Variants in ARHGAP45 observed in about 807,000 individuals in gnomAD.
ARHGAP45 encodes the protein rho GTPase-activating protein 45.
A neutral mutation model predicts 116.1 loss-of-function variants in ARHGAP45; 56 were observed. The ratio of observed to expected loss-of-function variants is 0.48; its 90% CI spans 0.39 to 0.60. The LOEUF is 0.60. Ranked by LOEUF, ARHGAP45 falls within the 20% of genes least tolerant of loss-of-function variation. ARHGAP45 has a pLI of 0.00. For synonymous variants in ARHGAP45, 866 were observed against 701.7 expected (o/e 1.23, Z -3.70); for missense variants, 1,622 against 1,601.0 (o/e 1.01, Z -0.22).
At chr19:1,081,121 A>G (rs8113708) in intron 17 of ARHGAP45, 57 bp downstream of exon 17, 1,184,386 of 1,527,308 alleles carry the variant, frequency 0.78, 460,171 homozygotes, top group Admixed American at 0.85. Context: ...TGGGGTGCCC[A>G]GCACCGCCGG....
rs1296633303 is a variant in ARHGAP45, at chr19:1,086,595, T to C, written c.*589T>C. 2.0e-5 allele frequency: 3 copies of C among 152,308 alleles called. No homozygotes were observed. Among genetic ancestry groups the C allele is most frequent in the Non-Finnish European group, 4.4e-5 (3 of 68,032 alleles). The allele number at this position is 152,308 out of a possible 1,614,324, so 9.4% of individuals were successfully genotyped here. ...ACCGTGTGGTTCTTTCACAGGCACG[T>C]TTATTTTGCTGAAATAAAAAGTTTT... On this transcript the variant is annotated 3_prime_UTR_variant, in exon 23 of 23. Coordinates refer to ENST00000313093, the MANE Select transcript of ARHGAP45 (RefSeq NM_012292.5).
Position 1,084,317 on chromosome 19 carries a change from T to C in ARHGAP45, c.3035T>C (p.Leu1012Pro), listed in dbSNP as rs772721006. 14 of 1,611,096 alleles carry C rather than the reference T, an allele frequency of 8.7e-6. No individual in the cohort carries two copies. The South Asian group carries it at 1.5e-4, about 18-fold the overall frequency. Reference protein sequence around the residue: ...LEAGEAVVYPLQEAAADGCRE... With the variant: ...LEAGEAVVYPPQEAAADGCRE... ...GCGGGCGAGGCGGTGGTCTACCCGC[T>C]GCAGGAGGCGGCGGCGGACGGGTGC... Residue 1012 changes from leucine to proline, a missense_variant, in exon 22 of 23, where the codon CTG becomes CCG. Physicochemically the swap from Leu to Pro is moderately conservative, Grantham distance 98 (BLOSUM62 -3). Transcript: ENST00000313093.
chr19:1,068,707 G>A lies in ARHGAP45; in HGVS notation c.384G>A (p.Glu128=). 1 of 1,612,680 alleles carries A rather than the reference G, an allele frequency of 6.2e-7. No individual in the cohort carries two copies. The highest frequency in any genetic ancestry group is 1.1e-5 in the South Asian group (1 of 91,076). The change falls in exon 2 of 23, where the codon GAG becomes GAA. Residue 128 remains glutamate, a synonymous_variant. Coordinates refer to ENST00000313093, the MANE Select transcript of ARHGAP45 (RefSeq NM_012292.5). This position sits in a 1 kb window ranked among gnomAD's most constrained non-coding sequence, Gnocchi z 7.5. ...TGGCGGACGTGGCCCGCTTCGCTGA[G>A]GGCCTTGAGAAACTTAAGGAGTGTG... is the stretch of plus-strand genomic sequence containing the variant. ...HLLADVARFA[E]GLEKLKECVL...
intron 19 of ARHGAP45, among the ~76,000 whole-genome samples, chr19:1,082,345 G>T (rs1177295470): frequency 6.6e-6 from 1 of 151,464 alleles, no homozygotes; most frequent in Non-Finnish European, 1.5e-5. Flanking sequence ...CGCTTGGCAG[G>T]GACCCGTATG....
rs2043091508 is a variant in ARHGAP45, at chr19:1,069,024, G to A, written c.421+280G>A. ...GGCAGAGGAAATGTCCCATGCACAG[G>A]CTCAGAAACACGGAAACAGAGAATG... is the stretch of plus-strand genomic sequence containing the variant. On this transcript the variant is annotated intron_variant, in intron 2 of 22. Coordinates refer to ENST00000313093, the MANE Select transcript of ARHGAP45 (RefSeq NM_012292.5). This position sits in a 1 kb window ranked among gnomAD's most constrained non-coding sequence, Gnocchi z 4.1. Among the ~76,000 whole-genome samples the A allele has an allele frequency of 6.6e-6, 1 of 152,150 alleles. No individual in the cohort carries two copies. The highest frequency in any genetic ancestry group is 1.5e-5 in the Non-Finnish European group (1 of 68,030).
At position 1,067,420 on chromosome 19, in the gene ARHGAP45, G is replaced by A; in HGVS notation, c.15G>A (p.Lys5=). The A allele has an allele frequency of 6.3e-7, 1 of 1,597,648 alleles. No homozygotes were observed. The highest frequency in any genetic ancestry group is 8.5e-7 in the Non-Finnish European group (1 of 1,172,854). ...GGGGCCCCATCATGTTCTCCAGGAAGAAACGAGAGCTCATGAAAACCCCTT... is the reference window on the plus strand; with the variant it reads ...GGGGCCCCATCATGTTCTCCAGGAAAAAACGAGAGCTCATGAAAACCCCTT... MFSR[K]KRELMKTPSI... is the part of the protein sequence containing the mutation. Residue 5 remains lysine, a synonymous_variant, in exon 1 of 23, where the codon AAG becomes AAA. Transcript: ENST00000313093.
chr19:1,084,253 C>T lies in ARHGAP45; in HGVS notation c.2971C>T (p.Gln991Ter). 1 of 1,613,634 alleles carries T rather than the reference C, an allele frequency of 6.2e-7. No homozygotes were observed. The highest frequency in any genetic ancestry group is 8.5e-7 in the Non-Finnish European group (1 of 1,179,894). The change falls in exon 22 of 23, where the codon CAG (glutamine) becomes TAG (stop). Residue 991 changes from glutamine (Q) to a stop codon, truncating the protein, a stop_gained. Coordinates refer to ENST00000313093, the MANE Select transcript of ARHGAP45 (RefSeq NM_012292.5). LOFTEE classifies it high-confidence loss of function. ...GCACTTGCAGGACGAGTCATCCAAC[C>T]AGCGAGCTGAGGTAGTCGTCCAGGT... ...TPGGQDESSNQRAEVVVQVPY... is the reference protein window; with the variant it reads ...TPGGQDESSN
At chr19:1,085,522 G>GTCTCTCCCCATCTCTCC in intron 22 of ARHGAP45, 138 bp from the exon 23 acceptor site, 4 of 627,588 alleles carry the variant, frequency 6.4e-6, no homozygotes, top group South Asian at 6.0e-5. Flanking sequence ...CATCTCTCCT[G>GTCTCTCCCCATCTCTCC]TCTCTCCCCA....
Position 1,085,814 on chromosome 19 carries a change from C to T in ARHGAP45, c.3219C>T (p.Gly1073=), listed in dbSNP as rs753247791. ...AGGTGGCTTCTGGCAGCCACAGCGG[C>T]AGTGAGGAGCAGCTGGAGGCCACAG... The part of the protein sequence containing the change: ...SLEVASGSHS[G]SEEQLEATAR... Residue 1073 remains glycine, a synonymous_variant, in exon 23 of 23, where the codon GGC becomes GGT. Coordinates refer to ENST00000313093, the MANE Select transcript of ARHGAP45 (RefSeq NM_012292.5). 4 of 1,612,722 alleles carry T rather than the reference C, an allele frequency of 2.5e-6. No individual in the cohort carries two copies. Among genetic ancestry groups the T allele is most frequent in the Admixed American group, 1.7e-5 (1 of 59,992 alleles).
chr19:1,081,925 C>T lies in ARHGAP45; in HGVS notation c.2481C>T (p.His827=), dbSNP rs1325359681. The stretch of plus-strand genomic sequence containing the variant: ...TCGAGCTGTCGCAGGCCTCGCCCCA[C>T]GACATCAGCAACGTCCTCAAGCTCT... ...ELVELSQASP[H]DISNVLKLYL... Residue 827 remains histidine (H), a synonymous_variant, in exon 19 of 23, where the codon CAC becomes CAT. Transcript: ENST00000313093. The T allele has an allele frequency of 1.2e-6, 2 of 1,612,726 alleles. No homozygotes were observed. Among genetic ancestry groups the T allele is most frequent in the Non-Finnish European group, 1.7e-6 (2 of 1,179,842 alleles).
chr19:1,074,550 G>A (rs1269720263), intron 8 of ARHGAP45, 64 bp from the exon 9 acceptor site: 4 of 1,439,000 alleles, frequency 2.8e-6, no homozygotes, highest in Non-Finnish European at 9.4e-7. Context: ...GCTGGTGGCT[G>A]GGGGTGCTGG....
rs374604498 is a variant in ARHGAP45 at position 1,080,107 on chromosome 19, C to T, written c.1692C>T (p.Ser564=). 8 of 1,611,758 alleles carry T rather than the reference C, an allele frequency of 5.0e-6. No individual in the cohort carries two copies. The highest frequency in any genetic ancestry group is 1.6e-4 in the Middle Eastern group (1 of 6,082). ...ACTACGACTTTGAGCCCCACGTCTCCGCCAACGCCTGGTACCGCCACCCAG... is the reference window on the plus strand; with the variant it reads ...ACTACGACTTTGAGCCCCACGTCTCTGCCAACGCCTGGTACCGCCACCCAG... ...DVHYDFEPHV[S]ANAWSPVMRA... The change falls in exon 13 of 23, where the codon TCC becomes TCT. Residue 564 remains serine (S), a synonymous_variant. Transcript: ENST00000313093.
chr19:1,077,029 G>C, intron 10 of ARHGAP45: 1 of 983,348 alleles, frequency 1.0e-6, no homozygotes, highest in Non-Finnish European at 1.2e-6. Context: ...GCGCCTGGCG[G>C]TCTCCTAGTA....
chr19:1,078,271 G>A (rs2145054962), intron 11 of ARHGAP45, among the ~76,000 whole-genome samples: 1 of 150,086 alleles, frequency 6.7e-6, no homozygotes, highest in Admixed American at 6.6e-5. Context: ...AGCCTCCCGA[G>A]TAGCTGGGAC....
intron 11 of ARHGAP45, 126 bp downstream of exon 11, chr19:1,078,171 T>A (rs1310822092): frequency 7.1e-7 from 1 of 1,412,926 alleles, no homozygotes; most frequent in Non-Finnish European, 9.4e-7. Context: ...TGAGACGGAG[T>A]CTTGCTCTGT....
At position 1,084,286 on chromosome 19, in the gene ARHGAP45, C is replaced by A; in HGVS notation, c.3004C>A (p.Leu1002Met). The A allele has an allele frequency of 1.2e-6, 2 of 1,613,114 alleles. No individual in the cohort carries two copies. Among genetic ancestry groups the A allele is most frequent in the Non-Finnish European group, 1.7e-6 (2 of 1,179,646 alleles). The change falls in exon 22 of 23, where the codon CTG (leucine) becomes ATG (methionine). Residue 1002 changes from leucine (L) to methionine (M), a missense_variant. By Grantham distance (15) the Leu-to-Met change is conservative. Coordinates refer to ENST00000313093, the MANE Select transcript of ARHGAP45 (RefSeq NM_012292.5). ...RAEVVVQVPY[L>M]EAGEAVVYPL... ...TGAGGTAGTCGTCCAGGTGCCGTAC[C>A]TGGAGGCGGGCGAGGCGGTGGTCTA...
At chr19:1,081,295 G>C (rs977649370) in intron 17 of ARHGAP45, 15 of 647,830 alleles carry the variant, frequency 2.3e-5, no homozygotes, top group Admixed American at 1.2e-4. Flanking sequence ...AAGAGTCCTG[G>C]GGCTGTGGCC....
intron 10 of ARHGAP45, 26 bp downstream of exon 10, chr19:1,074,905 G>A (rs1175743868): frequency 6.9e-7 from 1 of 1,454,566 alleles, no homozygotes. Flanking sequence ...GGGGGCGGGC[G>A]GGGGCGGGCA....
At chr19:1,074,556 G>A in intron 8 of ARHGAP45, 58 bp from the exon 9 acceptor site, 5 of 1,457,312 alleles carry the variant, frequency 3.4e-6, no homozygotes, top group Non-Finnish European at 3.7e-6. Flanking sequence ...GGCTGGGGGT[G>A]CTGGGGCCGC....
Sources: allele counts gnomAD v4.1 joint callset (sites outside exome capture counted in the v4.1 genomes callset), GRCh38; gene constraint gnomAD v4.1.1; non-coding constraint Gnocchi (gnomAD v3.1); transcripts MANE v1.5; gene names NCBI Gene and HGNC (gene_info 2026-07-23, HGNC 2026-07-21).